OR1J2: variants seen among roughly 807,000 people sequenced by gnomAD.
OR1J2 encodes olfactory receptor 1J2.
For missense variants in OR1J2, 304 were observed against 246.1 expected (o/e 1.24, Z -1.57); for synonymous variants, 142 against 99.7 (o/e 1.42, Z -2.52).
the OR1J2 span, chr9:122,526,951 C>A: frequency 6.2e-7 from 1 of 1,614,196 alleles, no homozygotes; most frequent in Non-Finnish European, 8.5e-7. Flanking sequence ...TACGCCATGG[C>A]AGCCAGGAAG....
At chr9:122,461,510 G>T in the OR1J2 span, among the ~76,000 whole-genome samples, 1 of 151,962 alleles carries the variant, frequency 6.6e-6, no homozygotes, top group Non-Finnish European at 1.5e-5. Context: ...TGTGACCTTA[G>T]ATTGCCTATT....
chr9:122,510,175 T>C (rs182212657), upstream of OR1J2, among the ~76,000 whole-genome samples: 64 of 152,244 alleles, frequency 4.2e-4, no homozygotes, highest in African/African-American at 1.5e-3. Flanking sequence ...TTACATACTT[T>C]TATTTGAAAA....
At chr9:122,574,099 TA>T in the OR1J2 span, among the ~76,000 whole-genome samples, 2 of 152,184 alleles carry the variant, frequency 1.3e-5, no homozygotes, top group Non-Finnish European at 2.9e-5. Context: ...TTTGCCAGTA[TA>T]TATTGTCTTG....
the OR1J2 span, among the ~76,000 whole-genome samples, chr9:122,495,875 G>A: frequency 6.6e-6 from 1 of 152,072 alleles, no homozygotes; most frequent in Non-Finnish European, 1.5e-5. Flanking sequence ...GTCCTACCGG[G>A]TGCTCCCTTG....
the OR1J2 span, among the ~76,000 whole-genome samples, chr9:122,520,797 T>A: frequency 3.9e-5 from 6 of 152,252 alleles, no homozygotes; most frequent in African/African-American, 9.6e-5. Context: ...TCGTTGTCTT[T>A]CTTATTGAAA....
the OR1J2 span, among the ~76,000 whole-genome samples, chr9:122,479,825 A>T: frequency 2.0e-5 from 3 of 152,208 alleles, no homozygotes; most frequent in South Asian, 2.1e-4. Context: ...TGCATACTCT[A>T]TATAAATTTG....
At chr9:122,545,863 A>C in the OR1J2 span, among the ~76,000 whole-genome samples, 2 of 152,060 alleles carry the variant, frequency 1.3e-5, no homozygotes, top group Non-Finnish European at 2.9e-5. Flanking sequence ...GAATAATATT[A>C]ATATAATAGA....
chr9:122,572,733 T>A, the OR1J2 span: 1 of 152,236 alleles, frequency 6.6e-6, no homozygotes, highest in Non-Finnish European at 1.5e-5. Flanking sequence ...AAAGAGAAAG[T>A]GCCAAACTGG....
At chr9:122,545,156 T>C in the OR1J2 span, among the ~76,000 whole-genome samples, 36 of 152,236 alleles carry the variant, frequency 2.4e-4, no homozygotes, top group Non-Finnish European at 4.7e-4. Flanking sequence ...ATTGGTGTTA[T>C]TGATTTATAA....
the OR1J2 span, chr9:122,567,728 C>G: frequency 6.2e-7 from 1 of 1,613,910 alleles, no homozygotes; most frequent in African/African-American, 1.3e-5. Flanking sequence ...CATAAAAGAG[C>G]GTCACCACGG....
chr9:122,477,656 C>T, the OR1J2 span: 2 of 1,614,028 alleles, frequency 1.2e-6, no homozygotes, highest in African/African-American at 1.3e-5. Flanking sequence ...TAAAAGACGG[C>T]TAGGTGCTGA....
the OR1J2 span, among the ~76,000 whole-genome samples, chr9:122,538,010 T>C: frequency 6.6e-6 from 1 of 152,264 alleles, no homozygotes; most frequent in Non-Finnish European, 1.5e-5. Context: ...AGTTACTCCA[T>C]ATTGCTTTGT....
the OR1J2 span, among the ~76,000 whole-genome samples, chr9:122,551,858 C>T: frequency 1.3e-5 from 2 of 152,092 alleles, no homozygotes; most frequent in Non-Finnish European, 2.9e-5. Flanking sequence ...CCATACACTT[C>T]AGGTATTTCT....
chr9:122,547,094 A>G, the OR1J2 span, among the ~76,000 whole-genome samples: 1 of 145,364 alleles, frequency 6.9e-6, no homozygotes, highest in Non-Finnish European at 1.5e-5. Flanking sequence ...AAAGAATATT[A>G]ATAAAGAATA....
chr9:122,525,906 G>A, the OR1J2 span, among the ~76,000 whole-genome samples: 2 of 152,078 alleles, frequency 1.3e-5, no homozygotes, highest in Non-Finnish European at 2.9e-5. Context: ...TTTAATGATC[G>A]ACAAATTAAT....
the OR1J2 span, among the ~76,000 whole-genome samples, chr9:122,539,203 G>A: frequency 1.3e-5 from 2 of 151,876 alleles, no homozygotes; most frequent in Non-Finnish European, 1.5e-5. Context: ...GTGTCATGTT[G>A]GTGTACTGCA....
chr9:122,573,340 G>A, the OR1J2 span, among the ~76,000 whole-genome samples: 1 of 152,232 alleles, frequency 6.6e-6, no homozygotes, highest in Admixed American at 6.5e-5. Flanking sequence ...AATATCCGAA[G>A]GGAATGCTTC....
chr9:122,557,301 T>C, the OR1J2 span, among the ~76,000 whole-genome samples: 1 of 152,146 alleles, frequency 6.6e-6, no homozygotes, highest in South Asian at 2.1e-4. Flanking sequence ...GCCTTGTTCC[T>C]GATCTTAGTG....
At chr9:122,471,107 A>G in the OR1J2 span, among the ~76,000 whole-genome samples, 1 of 152,036 alleles carries the variant, frequency 6.6e-6, no homozygotes, top group Admixed American at 6.5e-5. Flanking sequence ...ATGTGAGGAC[A>G]TGAGATTTGG....
Sources: gnomAD v4.1 joint callset for allele counts (sites outside exome capture counted in the v4.1 genomes callset) on GRCh38, gnomAD v4.1.1 for gene constraint, MANE v1.5 for transcripts, NCBI Gene and HGNC (gene_info 2026-07-23, HGNC 2026-07-21) for gene names.